KCNQ2: variants seen among roughly 807,000 people sequenced by gnomAD.
KCNQ2 encodes the protein potassium voltage-gated channel subfamily Q member 2, also known as potassium voltage-gated channel subfamily KQT member 2.
A neutral mutation model predicts 84.8 loss-of-function variants in KCNQ2; 14 were observed. The observed-to-expected ratio is 0.17, with a 90% CI of 0.11 to 0.26. The LOEUF is 0.26. Among genes scored for constraint, KCNQ2 ranks in the 10% least tolerant of loss-of-function variants. KCNQ2 has a pLI of 1.00. For synonymous variants in KCNQ2, 599 were observed against 554.1 expected, an observed-to-expected ratio of 1.08 and a Z score of -1.14; for missense variants, 788 against 1,254.0, an observed-to-expected ratio of 0.63 and a Z score of 5.61.
chr20:63,454,464 C>A (rs557750728), intron 1 of KCNQ2, among the ~76,000 whole-genome samples: 51 of 152,328 alleles, frequency 3.3e-4, no homozygotes, highest in Admixed American at 2.0e-3. Flanking sequence ...CGTCTGGGCC[C>A]GTCTGGGGGA....
chr20:63,436,366 C>A (rs1191683369), intron 7 of KCNQ2, among the ~76,000 whole-genome samples: 1 of 152,142 alleles, frequency 6.6e-6, no homozygotes, highest in Non-Finnish European at 1.5e-5. Context: ...CCCGTCTCTA[C>A]TAAAAATACA....
At position 63,464,027 on chromosome 20, in the gene KCNQ2, T is replaced by C. The variant is rs1332198808; in HGVS notation, c.296+8141A>G. On this transcript the variant is annotated intron_variant, in intron 1 of 16. Transcript: ENST00000359125. ...TGGAGCAACCATGCTCTCCTATGCA[T>C]CCACAAAGCCATTCCCAGCAACCCA... Among the ~76,000 whole-genome samples, 6 of 152,130 alleles carry C rather than the reference T, an allele frequency of 3.9e-5. No homozygotes were observed. In the East Asian group the frequency reaches 1.2e-3, roughly 29 times the overall value.
chr20:63,442,857 CCACCAT>C (rs1568934857), intron 4 of KCNQ2, among the ~76,000 whole-genome samples: 19 of 26,178 alleles, frequency 7.3e-4, no homozygotes, highest in East Asian at 5.7e-3. Flanking sequence ...ACCATCACCA[CCACCAT>C]CACCATCACC....
At position 63,404,209 on chromosome 20, in the gene KCNQ2, C is replaced by T. The variant is rs573589378; in HGVS notation, c.*2435G>A. The T allele has an allele frequency of 6.6e-6, 1 of 152,484 alleles. No individual in the cohort carries two copies. The highest frequency in any genetic ancestry group is 2.1e-4 in the South Asian group (1 of 4,832). 9.4% of individuals were successfully genotyped at this position (152,484 alleles called of 1,614,324 possible). On this transcript the variant is annotated 3_prime_UTR_variant, in exon 17 of 17. Transcript: ENST00000359125. Reference sequence around the variant, plus strand: ...AACCTGTGCCCAGGTGCTCATGCCTCAGCGGCCCCATGGGAGGAAAGAGCA... The same window carrying T: ...AACCTGTGCCCAGGTGCTCATGCCTTAGCGGCCCCATGGGAGGAAAGAGCA...
intron 12 of KCNQ2, among the ~76,000 whole-genome samples, chr20:63,417,245 G>A (rs553089886): frequency 4.3e-4 from 65 of 152,326 alleles, no homozygotes; most frequent in Admixed American, 1.2e-3. Context: ...CGGGGGCCAG[G>A]GGAGCACATG....
At position 63,406,577 on chromosome 20, in the gene KCNQ2, C is replaced by A; in HGVS notation, c.*67G>T. On this transcript the variant is annotated 3_prime_UTR_variant, in exon 17 of 17. Coordinates refer to ENST00000359125, the MANE Select transcript of KCNQ2 (RefSeq NM_172107.4). ...TAAGAAAAGGGCCCCAGAGGGTTCC[C>A]GCCTCAAAACCTCGGAGGCACCGTG... The A allele has an allele frequency of 6.7e-7, 1 of 1,490,990 alleles. No individual in the cohort carries two copies. Among genetic ancestry groups the A allele is most frequent in the East Asian group, 2.4e-5 (1 of 41,984 alleles). The allele number at this position is 1,490,990 out of a possible 1,614,324, so 92.4% of individuals were successfully genotyped here.
chr20:63,445,641 A>T, intron 2 of KCNQ2: 1 of 425,114 alleles, frequency 2.4e-6, no homozygotes, highest in South Asian at 2.4e-5. Flanking sequence ...TATCTGGGCT[A>T]GGGGACCATG....
Position 63,406,989 on chromosome 20 carries a change from G to A in KCNQ2, c.2274C>T (p.Gly758=), listed in dbSNP as rs1028898942. 2 of 1,518,374 alleles carry A rather than the reference G, an allele frequency of 1.3e-6. No homozygotes were observed. Among genetic ancestry groups the A allele is most frequent in the Non-Finnish European group, 1.8e-6 (2 of 1,135,514 alleles). 94.1% of individuals were successfully genotyped at this position (1,518,374 alleles called of 1,614,324 possible). A position where few individuals can be genotyped will look rare whatever the true frequency, so the allele number is the denominator to read the frequency against. ...GCAGGAACTCCATGCTGGCGCGGTT[G>A]CCCCCGCCGTAGGCGGACAGCGACC... ...HERSLSAYGG[G]NRASMEFLRQ... is the part of the protein sequence containing the mutation. Residue 758 remains glycine (G), a synonymous_variant, in exon 17 of 17, where the codon GGC becomes GGT. Coordinates refer to ENST00000359125, the MANE Select transcript of KCNQ2 (RefSeq NM_172107.4).
intron 8 of KCNQ2, among the ~76,000 whole-genome samples, chr20:63,432,117 C>G (rs1288150498): frequency 1.6e-5 from 2 of 126,540 alleles, no homozygotes; most frequent in Non-Finnish European, 3.4e-5. Flanking sequence ...CAGGGAAGGC[C>G]CCACCCTCAG....
chr20:63,452,680 G>C lies in KCNQ2; in HGVS notation c.297-5843C>G, dbSNP rs545443659. Reference sequence around the variant, plus strand: ...GGGCTGATTCAGCGGTGCAGGCACAGAACACCCTGACTGATGCTGAAGGAC... The same window carrying C: ...GGGCTGATTCAGCGGTGCAGGCACACAACACCCTGACTGATGCTGAAGGAC... On this transcript the variant is annotated intron_variant, in intron 1 of 16. Transcript: ENST00000359125. 1.5e-3 allele frequency among the ~76,000 whole-genome samples: 236 copies of C among 152,350 alleles called. 1 individual carries two copies. The highest frequency in any genetic ancestry group is 2.3e-3 in the Non-Finnish European group (154 of 68,024).
intron 10 of KCNQ2, 64 bp from the exon 11 acceptor site, chr20:63,424,270 C>G (rs1305989783): frequency 6.5e-7 from 1 of 1,530,680 alleles, no homozygotes; most frequent in African/African-American, 1.4e-5. Context: ...GTCCCCCAAC[C>G]AGTCCAGCCC....
At chr20:63,471,888 G>C in intron 1 of KCNQ2, 1 of 403,356 alleles carries the variant, frequency 2.5e-6, no homozygotes, top group Non-Finnish European at 4.4e-6. Context: ...GGGCCTCCCA[G>C]GCTGAGGAGG....
chr20:63,448,642 T>G (rs897277789), intron 1 of KCNQ2: 1 of 152,266 alleles, frequency 6.6e-6, no homozygotes, highest in Non-Finnish European at 1.5e-5. Flanking sequence ...AGTGCTGCAG[T>G]CCAGCCTGGG....
intron 10 of KCNQ2, among the ~76,000 whole-genome samples, chr20:63,424,949 T>C (rs1460379041): frequency 6.6e-6 from 1 of 152,190 alleles, no homozygotes; most frequent in Non-Finnish European, 1.5e-5. Context: ...TTCCAAATAC[T>C]TCATGTGACA....
intron 4 of KCNQ2, among the ~76,000 whole-genome samples, chr20:63,443,414 AT>A (rs1274709633): frequency 2.9e-5 from 3 of 102,390 alleles, no homozygotes; most frequent in Non-Finnish European, 4.1e-5. Context: ...CACCATCACC[AT>A]CACCACCATC....
At chr20:63,447,264 C>G (rs112557344) in intron 1 of KCNQ2, 6 of 238,196 alleles carry the variant, frequency 2.5e-5, no homozygotes, top group Admixed American at 2.5e-4. Context: ...CAGAAGGCAC[C>G]GATCAGCCTT....
intron 6 of KCNQ2, among the ~76,000 whole-genome samples, chr20:63,439,018 C>T (rs977655633): frequency 2.6e-5 from 4 of 152,214 alleles, no homozygotes; most frequent in Non-Finnish European, 4.4e-5. Context: ...GAGGAAGGAA[C>T]CCTCTGGCTT....
intron 5 of KCNQ2, among the ~76,000 whole-genome samples, chr20:63,440,263 G>C (rs1016160539): frequency 1.1e-4 from 17 of 152,138 alleles, no homozygotes; most frequent in African/African-American, 3.9e-4. Context: ...TGGTGGGCAA[G>C]GGGGAGGTCA....
Position 63,415,009 on chromosome 20 carries a change from G to C in KCNQ2, c.1419C>G (p.Leu473=). Residue 473 remains leucine (L), a synonymous_variant, in exon 13 of 17, where the codon CTC becomes CTG. Transcript: ENST00000359125. ...TGGGCACCTTGCTGGGGCTGTCCTC[G>C]AGGCTCTGGTCGGCGCTGGGTGACC... The part of the protein sequence containing the change: ...VRRSPSADQS[L]EDSPSKVPKS... 6.2e-7 allele frequency: 1 copy of C among 1,610,986 alleles called. No homozygotes were observed. The highest frequency in any genetic ancestry group is 1.7e-4 in the Middle Eastern group (1 of 6,058).
Sources: gnomAD v4.1 joint callset for allele counts (sites outside exome capture counted in the v4.1 genomes callset) on GRCh38, gnomAD v4.1.1 for gene constraint, MANE v1.5 for transcripts, NCBI Gene and HGNC (gene_info 2026-07-23, HGNC 2026-07-21) for gene names.